Variants in ARHGAP32 observed in about 807,000 individuals in gnomAD.
ARHGAP32 encodes the protein rho GTPase-activating protein 32.
In ARHGAP32, 51 loss-of-function variants were observed where a neutral mutation model predicts 186.5. That is an observed-to-expected ratio of 0.27 (90% CI 0.22 to 0.35). ARHGAP32 has a LOEUF of 0.35. Among genes scored for constraint, ARHGAP32 ranks in the 10% least tolerant of loss-of-function variants. The pLI is 1.00. For missense variants in ARHGAP32, 2,186 were observed against 2,623.5 expected, an observed-to-expected ratio of 0.83 and a Z score of 3.64; for synonymous variants, 950 against 964.3, an observed-to-expected ratio of 0.99 and a Z score of 0.27.
chr11:129,275,291 T>G (rs1038134884), intron 1 of ARHGAP32, among the ~76,000 whole-genome samples: 2 of 152,210 alleles, frequency 1.3e-5, no homozygotes, highest in Non-Finnish European at 2.9e-5. Context: ...TTACTGTATG[T>G]CAGAGATTGT....
In ARHGAP32 at chr11:128,967,443, T is replaced by G. The variant is rs1366663010; in HGVS notation, c.*1464A>C. ...TTGAGTATTATTAAGAGTTATGGAA[T>G]GAAATGACAATCTAAACTCGTTTTG... On this transcript the variant is annotated 3_prime_UTR_variant, in exon 23 of 23. Coordinates refer to ENST00000682385, the MANE Select transcript of ARHGAP32 (RefSeq NM_001378024.1). 1 of 152,234 alleles carries G rather than the reference T, an allele frequency of 6.6e-6. No homozygotes were observed. The highest frequency in any genetic ancestry group is 1.5e-5 in the Non-Finnish European group (1 of 68,042). The allele number at this position is 152,234 out of a possible 1,614,324, so 9.4% of individuals were successfully genotyped here. A position where few individuals can be genotyped will look rare whatever the true frequency, so the allele number is the denominator to read the frequency against.
At chr11:129,272,013 G>T (rs542873869) in intron 1 of ARHGAP32, among the ~76,000 whole-genome samples, 2 of 152,278 alleles carry the variant, frequency 1.3e-5, no homozygotes, top group East Asian at 1.9e-4. Context: ...GAAGTCACTG[G>T]CAGGAAGAGT....
At chr11:129,015,895 G>A (rs1938313588) in intron 11 of ARHGAP32, among the ~76,000 whole-genome samples, 1 of 152,134 alleles carries the variant, frequency 6.6e-6, no homozygotes, top group Non-Finnish European at 1.5e-5. Context: ...GGGCACAAGT[G>A]ACAGGACTTC....
intron 6 of ARHGAP32, among the ~76,000 whole-genome samples, chr11:129,070,797 C>A (rs1409884135): frequency 6.6e-6 from 1 of 151,842 alleles, no homozygotes; most frequent in Admixed American, 6.6e-5. Flanking sequence ...TCAAATGCAT[C>A]CTCACAAATA....
At chr11:129,096,200 C>T (rs1941723511) in intron 5 of ARHGAP32, among the ~76,000 whole-genome samples, 1 of 152,000 alleles carries the variant, frequency 6.6e-6, no homozygotes, top group African/African-American at 2.4e-5. Context: ...ATAAAGCAGA[C>T]ACAGAATTGG....
upstream of ARHGAP32, among the ~76,000 whole-genome samples, chr11:129,193,611 A>ATATATTATATAATATATAT (rs1565464705): frequency 3.0e-3 from 234 of 77,238 alleles, 4 homozygotes; most frequent in African/African-American, 0.013. Context: ...ATAATATATA[A>ATATATTATATAATATATAT]TATATGTTAT....
intron 1 of ARHGAP32, among the ~76,000 whole-genome samples, chr11:129,255,292 T>G (rs1331805210): frequency 1.3e-5 from 2 of 152,056 alleles, no homozygotes; most frequent in Admixed American, 6.6e-5. Context: ...TTGAAAAGGA[T>G]CATCTTTTTA....
At chr11:129,128,687 G>T (rs1942720451) in intron 2 of ARHGAP32, among the ~76,000 whole-genome samples, 1 of 150,260 alleles carries the variant, frequency 6.7e-6, no homozygotes, top group Admixed American at 6.7e-5. Context: ...CTCCCTGCCT[G>T]ATTCTCCTGC....
At chr11:129,135,459 A>T (rs1942915248) in intron 2 of ARHGAP32, among the ~76,000 whole-genome samples, 1 of 152,206 alleles carries the variant, frequency 6.6e-6, no homozygotes, top group Admixed American at 6.5e-5. Flanking sequence ...AGTCAATCTG[A>T]TTTCTATATG....
chr11:129,257,834 C>T (rs1945274331), intron 1 of ARHGAP32, among the ~76,000 whole-genome samples: 1 of 151,962 alleles, frequency 6.6e-6, no homozygotes, highest in Admixed American at 6.6e-5. Context: ...TGCTATTCAT[C>T]CAAATTAACT....
intron 5 of ARHGAP32, among the ~76,000 whole-genome samples, chr11:129,100,540 A>T (rs1194616814): frequency 2.0e-5 from 3 of 152,132 alleles, no homozygotes; most frequent in African/African-American, 7.2e-5. Context: ...ACATGTCAGT[A>T]TGGGCAGGTT....
rs1944735108 is a variant in ARHGAP32, at chr11:129,223,141, T to C, written c.-5+56005A>G. ...ACATTCTTTCTTCATACTAAGTCTT[T>C]GAACACAGCTTGAATTTTCCACTTA... is the stretch of plus-strand genomic sequence containing the variant. On this transcript the variant is annotated intron_variant, in intron 1 of 6. Transcript: ENST00000525234. 3.3e-5 allele frequency among the ~76,000 whole-genome samples: 5 copies of C among 152,204 alleles called. No individual in the cohort carries two copies. The South Asian group carries it at 8.3e-4, about 25-fold the overall frequency.
At chr11:128,973,623 C>A in intron 21 of ARHGAP32, 191 bp from the exon 22 acceptor site, 1 of 632,112 alleles carries the variant, frequency 1.6e-6, no homozygotes, top group Non-Finnish European at 2.7e-6. Context: ...AAAACTAAAA[C>A]AAACAGTGTA....
At chr11:128,979,841 T>A (rs1945658100) in intron 18 of ARHGAP32, among the ~76,000 whole-genome samples, 1 of 152,210 alleles carries the variant, frequency 6.6e-6, no homozygotes. Context: ...CATACATTAG[T>A]CTTCCTACTA....
intron 11 of ARHGAP32, among the ~76,000 whole-genome samples, chr11:129,021,184 C>A (rs1490406884): frequency 1.3e-5 from 2 of 151,938 alleles, no homozygotes; most frequent in Non-Finnish European, 2.9e-5. Flanking sequence ...AAAGGCATTA[C>A]TGACTGGAAT....
chr11:129,107,316 A>C (rs1211652027), intron 5 of ARHGAP32, among the ~76,000 whole-genome samples: 1 of 152,228 alleles, frequency 6.6e-6, no homozygotes, highest in Admixed American at 6.5e-5. Context: ...AAGAAAGGCT[A>C]AACAAAGTTC....
chr11:128,997,010 C>T (rs12788148), intron 12 of ARHGAP32, among the ~76,000 whole-genome samples: 10,934 of 152,160 alleles, frequency 0.072, 530 homozygotes, highest in Admixed American at 0.12. Context: ...AACTCCTAGG[C>T]GCAAGCTATC....
intron 6 of ARHGAP32, among the ~76,000 whole-genome samples, chr11:129,080,696 AC>A: frequency 6.6e-6 from 1 of 152,196 alleles, no homozygotes; most frequent in East Asian, 1.9e-4. Context: ...TCAAGGAACT[AC>A]AGAAACGAGA....
intron 1 of ARHGAP32, among the ~76,000 whole-genome samples, chr11:129,247,265 C>T (rs1422029281): frequency 6.6e-6 from 1 of 152,136 alleles, no homozygotes; most frequent in East Asian, 1.9e-4. Context: ...GATGTGCAGA[C>T]CCAGTTTTGT....
Sources: allele counts gnomAD v4.1 joint callset (sites outside exome capture counted in the v4.1 genomes callset), GRCh38; gene constraint gnomAD v4.1.1; transcripts MANE v1.5; gene names NCBI Gene and HGNC (gene_info 2026-07-23, HGNC 2026-07-21).